PCDHA13: variants seen among roughly 807,000 people sequenced by gnomAD.
PCDHA13 encodes protocadherin alpha 13.
PCDHA13 carries 54 observed loss-of-function variants against 64.8 expected under a neutral mutation model. The ratio of observed to expected loss-of-function variants is 0.83; its 90% CI spans 0.67 to 1.04. The LOEUF is 1.04. PCDHA13 is among the 50% of genes least tolerant of loss of function. The probability of loss-of-function intolerance (pLI) is 0.00; values close to 1 mark genes in which losing one functional copy is unlikely to be tolerated. For missense variants in PCDHA13, 1,248 were observed against 1,254.3 expected (o/e 0.99, Z 0.08); for synonymous variants, 587 against 564.4 (o/e 1.04, Z -0.57).
intron 3 of PCDHA13, among the ~76,000 whole-genome samples, chr5:140,984,674 G>A (rs2097114009): frequency 6.6e-6 from 1 of 152,090 alleles, no homozygotes; most frequent in Non-Finnish European, 1.5e-5. Context: ...AGGTTTTTAG[G>A]ACTCAATATA....
chr5:140,969,061 T>C (rs782313439), intron 1 of PCDHA13: 25 of 1,614,070 alleles, frequency 1.5e-5, no homozygotes, highest in Non-Finnish European at 4.2e-6. Flanking sequence ...ACAATATTGA[T>C]GCCAGGATAC....
chr5:140,957,983 AG>A (rs1554223250), intron 1 of PCDHA13, among the ~76,000 whole-genome samples: 1 of 152,154 alleles, frequency 6.6e-6, no homozygotes, highest in Non-Finnish European at 1.5e-5. Flanking sequence ...AAATAGAATC[AG>A]TGCCAGATTT....
At chr5:140,989,101 A>G (rs1293454775) in intron 3 of PCDHA13, 1 of 152,216 alleles carries the variant, frequency 6.6e-6, no homozygotes, top group African/African-American at 2.4e-5. Flanking sequence ...AGGAGAAACA[A>G]CTTTTGAATA....
intron 1 of PCDHA13, among the ~76,000 whole-genome samples, chr5:140,972,087 A>G (rs1372467840): frequency 3.3e-5 from 5 of 152,192 alleles, no homozygotes; most frequent in Non-Finnish European, 7.3e-5. Context: ...AAAAAGAGTA[A>G]TTTCTGGCAT....
At chr5:140,893,818 G>A (rs184696543) in intron 1 of PCDHA13, among the ~76,000 whole-genome samples, 14 of 152,114 alleles carry the variant, frequency 9.2e-5, no homozygotes, top group Admixed American at 3.3e-4. Context: ...GTCTGGTACC[G>A]TAGACTACTC....
chr5:140,926,830 G>T (rs2083580756), intron 1 of PCDHA13: 2 of 1,503,958 alleles, frequency 1.3e-6, no homozygotes, highest in Non-Finnish European at 1.8e-6. Context: ...CAGGAGTCCG[G>T]AGCATGGTCC....
rs1486242200 is a variant in PCDHA13, at chr5:140,900,929, A to G, written c.2394+16267A>G. ...CTGTGGTAAGATGATATCTCATTGT[A>G]GTTTTGATTTGCATTTCTCTGATTA... On this transcript the variant is annotated intron_variant, in intron 1 of 3. Coordinates refer to ENST00000289272, the MANE Select transcript of PCDHA13 (RefSeq NM_018904.3). Among the ~76,000 whole-genome samples, 8 of 152,104 alleles carry G rather than the reference A, an allele frequency of 5.3e-5. No individual in the cohort carries two copies. The East Asian group carries it at 1.5e-3, about 29-fold the overall frequency.
intron 3 of PCDHA13, among the ~76,000 whole-genome samples, chr5:140,992,848 C>T (rs2097530967): frequency 6.6e-6 from 1 of 152,124 alleles, no homozygotes; most frequent in Non-Finnish European, 1.5e-5. Flanking sequence ...TGTATAACAA[C>T]CAGTTTCACT....
At chr5:140,891,402 C>T (rs2153434100) in intron 1 of PCDHA13, among the ~76,000 whole-genome samples, 1 of 151,650 alleles carries the variant, frequency 6.6e-6, no homozygotes, top group East Asian at 1.9e-4. Context: ...TATCCCTCGC[C>T]ACCCCCCACT....
intron 3 of PCDHA13, among the ~76,000 whole-genome samples, chr5:140,996,287 A>C (rs1200123512): frequency 2.0e-5 from 3 of 152,258 alleles, no homozygotes; most frequent in African/African-American, 4.8e-5. Context: ...AAATTTCAAG[A>C]AGCACAGATT....
At chr5:140,941,313 C>T (rs1585057947) in intron 1 of PCDHA13, among the ~76,000 whole-genome samples, 2 of 104,888 alleles carry the variant, frequency 1.9e-5, no homozygotes, top group Non-Finnish European at 4.0e-5. Context: ...TCTTTTTCTT[C>T]TTTCTCTTTT....
At chr5:140,980,615 C>T (rs1182621837) in intron 2 of PCDHA13, among the ~76,000 whole-genome samples, 4 of 151,596 alleles carry the variant, frequency 2.6e-5, no homozygotes, top group Admixed American at 6.6e-5. Flanking sequence ...GGCGACAGTG[C>T]GAGACTCTGT....
intron 1 of PCDHA13, among the ~76,000 whole-genome samples, chr5:140,886,387 T>C (rs1245808319): frequency 2.6e-5 from 4 of 152,234 alleles, no homozygotes; most frequent in African/African-American, 9.6e-5. Flanking sequence ...GCTTATCTAT[T>C]ATCTGCATCA....
chr5:140,898,462 CTTGT>C (rs2066755516), intron 1 of PCDHA13, among the ~76,000 whole-genome samples: 1 of 150,202 alleles, frequency 6.7e-6, no homozygotes, highest in South Asian at 2.1e-4. Flanking sequence ...TTCCCCATTG[CTTGT>C]TTTTCTCAGG....
chr5:140,915,077 C>G (rs2076970768), intron 1 of PCDHA13, among the ~76,000 whole-genome samples: 1 of 151,656 alleles, frequency 6.6e-6, no homozygotes. Flanking sequence ...TACTGAGTAG[C>G]TGGGACTATG....
intron 1 of PCDHA13, chr5:140,969,574 G>T (rs948199454): frequency 1.0e-6 from 1 of 983,446 alleles, no homozygotes; most frequent in Non-Finnish European, 1.5e-6. Context: ...TGTTTGAGAA[G>T]TGAGGATTAG....
At chr5:140,965,911 G>C (rs1476309026) in intron 1 of PCDHA13, among the ~76,000 whole-genome samples, 1 of 152,206 alleles carries the variant, frequency 6.6e-6, no homozygotes, top group African/African-American at 2.4e-5. Context: ...CCAGGATGCT[G>C]GTTTTAGGCT....
chr5:140,909,280 T>C (rs1353122604), intron 1 of PCDHA13, among the ~76,000 whole-genome samples: 3 of 152,212 alleles, frequency 2.0e-5, no homozygotes, highest in African/African-American at 7.2e-5. Flanking sequence ...TTGCTTCTGG[T>C]GGGCCTTATG....
chr5:140,902,818 T>G (rs1554190664), intron 1 of PCDHA13, among the ~76,000 whole-genome samples: 1 of 152,062 alleles, frequency 6.6e-6, no homozygotes, highest in Non-Finnish European at 1.5e-5. Flanking sequence ...CAATATTTGG[T>G]TTTCGATTTC....
Sources: gnomAD v4.1 joint callset for allele counts (sites outside exome capture counted in the v4.1 genomes callset) on GRCh38, gnomAD v4.1.1 for gene constraint, MANE v1.5 for transcripts, NCBI Gene and HGNC (gene_info 2026-07-23, HGNC 2026-07-21) for gene names.